The following NREP variants were observed in gnomAD, a reference collection of about 807,000 sequenced individuals.
The protein encoded by NREP is neuronal regeneration related protein.
Under a neutral mutation model 8.6 loss-of-function variants are expected in NREP, and 5 were observed. The observed-to-expected ratio is 0.58, with a 90% confidence interval of 0.30 to 1.22. The LOEUF (loss-of-function observed/expected upper bound fraction) is 1.22. Among genes scored for constraint, NREP ranks in the 50% most tolerant of loss-of-function variants. NREP has a pLI of 0.07. For synonymous variants in NREP, 27 were observed against 28.0 expected (o/e 0.96, Z 0.11); for missense variants, 86 against 82.5 (o/e 1.04, Z -0.17).
At chr5:111,937,566 G>A (rs1034571812) in intron 2 of NREP, among the ~76,000 whole-genome samples, 1 of 152,020 alleles carries the variant, frequency 6.6e-6, no homozygotes, top group Non-Finnish European at 1.5e-5. Context: ...TTCTGATAGT[G>A]CAACAAAGTT....
intron 2 of NREP, among the ~76,000 whole-genome samples, chr5:111,854,979 T>C (rs1180370065): frequency 1.3e-5 from 2 of 152,220 alleles, no homozygotes; most frequent in Non-Finnish European, 2.9e-5. Flanking sequence ...TTTATTCATC[T>C]ACCTCCCTAC....
intron 2 of NREP, among the ~76,000 whole-genome samples, chr5:111,823,557 A>G (rs1243443945): frequency 6.6e-6 from 1 of 152,240 alleles, no homozygotes; most frequent in Non-Finnish European, 1.5e-5. Context: ...AACATTACAT[A>G]TACCATAATT....
intron 2 of NREP, among the ~76,000 whole-genome samples, chr5:111,959,646 A>C (rs1398677270): frequency 6.6e-6 from 1 of 152,048 alleles, no homozygotes; most frequent in African/African-American, 2.4e-5. Flanking sequence ...ATGAACTTTT[A>C]AGACCTCAAA....
intron 3 of NREP, chr5:111,734,454 A>G (rs999567374): frequency 6.3e-6 from 2 of 318,388 alleles, no homozygotes; most frequent in African/African-American, 4.3e-5. Flanking sequence ...TTGTTCACCT[A>G]CTTTCCTGCC....
chr5:111,757,230 G>GC (rs1261531728), upstream of NREP: 1 of 475,404 alleles, frequency 2.1e-6, no homozygotes, highest in Non-Finnish European at 2.5e-6. Flanking sequence ...AAGACAGATT[G>GC]GGGGGGGAGG....
chr5:111,930,047 G>A (rs1266044514), intron 2 of NREP, among the ~76,000 whole-genome samples: 2 of 152,184 alleles, frequency 1.3e-5, no homozygotes, highest in African/African-American at 4.8e-5. Context: ...CTGCTGGAGA[G>A]CTAGACTTGG....
intron 2 of NREP, among the ~76,000 whole-genome samples, chr5:111,914,519 A>G (rs926074741): frequency 1.3e-5 from 2 of 152,070 alleles, no homozygotes; most frequent in African/African-American, 4.8e-5. Context: ...TTGCTAGCCA[A>G]TCGGGACAAA....
At chr5:111,937,758 T>A (rs1234350680) in intron 2 of NREP, among the ~76,000 whole-genome samples, 2 of 152,034 alleles carry the variant, frequency 1.3e-5, no homozygotes, top group Admixed American at 6.6e-5. Context: ...TTGTACCAGA[T>A]CCTTCCCTCT....
intron 2 of NREP, among the ~76,000 whole-genome samples, chr5:111,901,171 T>C (rs1754637939): frequency 6.6e-6 from 1 of 152,196 alleles, no homozygotes; most frequent in African/African-American, 2.4e-5. Context: ...TCCTTCATTC[T>C]ACTGATGTAA....
chr5:111,787,852 C>T, intron 2 of NREP, among the ~76,000 whole-genome samples: 1 of 152,080 alleles, frequency 6.6e-6, no homozygotes, highest in South Asian at 2.1e-4. Flanking sequence ...AATCCCAGTA[C>T]TTTGAAAGAC....
chr5:111,748,884 C>A (rs1247496855), intron 2 of NREP, among the ~76,000 whole-genome samples: 1 of 151,978 alleles, frequency 6.6e-6, no homozygotes, highest in Non-Finnish European at 1.5e-5. Context: ...CAGAAATAAG[C>A]CAGCCGCAAG....
At chr5:111,801,532 C>G (rs920477735) in intron 2 of NREP, among the ~76,000 whole-genome samples, 1 of 152,044 alleles carries the variant, frequency 6.6e-6, no homozygotes, top group Non-Finnish European at 1.5e-5. Flanking sequence ...TCTTTTTCAT[C>G]AAAGCAGAAG....
chr5:111,908,382 A>G (rs1408476636), intron 2 of NREP, among the ~76,000 whole-genome samples: 1 of 152,160 alleles, frequency 6.6e-6, no homozygotes, highest in Middle Eastern at 3.4e-3. Flanking sequence ...CCCATCACGC[A>G]GGTAGTAAGC....
intron 2 of NREP, among the ~76,000 whole-genome samples, chr5:111,799,262 G>C (rs1464186500): frequency 6.6e-6 from 1 of 151,990 alleles, no homozygotes; most frequent in Non-Finnish European, 1.5e-5. Flanking sequence ...CTCTTTTTTG[G>C]TTCCATATTA....
At chr5:111,958,121 A>T (rs1019961365) in intron 2 of NREP, among the ~76,000 whole-genome samples, 1 of 151,962 alleles carries the variant, frequency 6.6e-6, no homozygotes, top group Non-Finnish European at 1.5e-5. Context: ...TTTTCATTAT[A>T]TCATAAAATT....
chr5:111,950,193 T>C (rs1380743942), intron 2 of NREP, among the ~76,000 whole-genome samples: 1 of 151,778 alleles, frequency 6.6e-6, no homozygotes, highest in Non-Finnish European at 1.5e-5. Context: ...CAGTGACAGA[T>C]ATATAGACCA....
intron 2 of NREP, among the ~76,000 whole-genome samples, chr5:111,885,888 T>A (rs1754231935): frequency 6.6e-6 from 1 of 152,058 alleles, no homozygotes; most frequent in Non-Finnish European, 1.5e-5. Flanking sequence ...AACCTAGGCA[T>A]TACCATTCAG....
chr5:111,818,174 T>TA (rs1185386386), intron 2 of NREP, among the ~76,000 whole-genome samples: 7 of 152,188 alleles, frequency 4.6e-5, no homozygotes, highest in Non-Finnish European at 8.8e-5. Flanking sequence ...CATACATTTT[T>TA]AAAAATGTAA....
chr5:111,750,253 T>C (rs908025802), intron 2 of NREP, among the ~76,000 whole-genome samples: 1 of 152,186 alleles, frequency 6.6e-6, no homozygotes, highest in African/African-American at 2.4e-5. Flanking sequence ...CTCTCTCTCA[T>C]CTAAATCTAC....
Sources: allele counts gnomAD v4.1 joint callset (sites outside exome capture counted in the v4.1 genomes callset), GRCh38; gene constraint gnomAD v4.1.1; transcripts MANE v1.5; gene names NCBI Gene and HGNC (gene_info 2026-07-23, HGNC 2026-07-21).